Variants in ADGRL4 observed in about 807,000 individuals in gnomAD.
ADGRL4 encodes adhesion G protein-coupled receptor L4, also known as EGF, latrophilin and seven transmembrane domain containing 1.
Under a neutral mutation model 74.8 loss-of-function variants are expected in ADGRL4, and 90 were observed. The ratio of observed to expected loss-of-function variants is 1.20; its 90% CI spans 1.02 to 1.43. The LOEUF is 1.43. ADGRL4 is among the 40% of genes most tolerant of loss of function. ADGRL4 has a pLI of 0.00. For missense variants in ADGRL4, 881 were observed against 814.3 expected, an observed-to-expected ratio of 1.08 and a Z score of -1.00; for synonymous variants, 311 against 279.2, an observed-to-expected ratio of 1.11 and a Z score of -1.14.
chr1:78,952,952 G>A (rs1227381121), intron 2 of ADGRL4, among the ~76,000 whole-genome samples: 1 of 152,034 alleles, frequency 6.6e-6, no homozygotes, highest in Non-Finnish European at 1.5e-5. Flanking sequence ...CTCTGTTTCT[G>A]TTTACACTTA....
chr1:78,999,552 G>A (rs553661015), intron 2 of ADGRL4, among the ~76,000 whole-genome samples: 1 of 152,062 alleles, frequency 6.6e-6, no homozygotes, highest in Non-Finnish European at 1.5e-5. Context: ...TAGCTTGGGC[G>A]ACAGAGCGAG....
rs148961711 is a variant in ADGRL4, at chr1:79,003,088, C to T, written c.172+1982G>A. On this transcript the variant is annotated intron_variant, in intron 2 of 14. Coordinates refer to ENST00000370742, the MANE Select transcript of ADGRL4 (RefSeq NM_022159.4). Reference sequence around the variant, plus strand: ...CATCCTCTGTAGCTAATCTCCTGTCCAGTCATTTCATCTTGACATAATACC... The same window carrying T: ...CATCCTCTGTAGCTAATCTCCTGTCTAGTCATTTCATCTTGACATAATACC... 1.6e-3 allele frequency among the ~76,000 whole-genome samples: 250 copies of T among 152,100 alleles called. 1 individual carries two copies. Among genetic ancestry groups the T allele is most frequent in the African/African-American group, 5.8e-3 (241 of 41,540 alleles).
At chr1:78,929,370 C>T (rs1023456299) in intron 7 of ADGRL4, among the ~76,000 whole-genome samples, 4 of 151,078 alleles carry the variant, frequency 2.6e-5, no homozygotes, top group Non-Finnish European at 4.4e-5. Flanking sequence ...GAATAATTAG[C>T]CCAGCATGGT....
chr1:78,998,991 C>G (rs1230915912), intron 2 of ADGRL4, among the ~76,000 whole-genome samples: 2 of 151,988 alleles, frequency 1.3e-5, no homozygotes, highest in Non-Finnish European at 2.9e-5. Context: ...AAATCAACAT[C>G]AATATATAAT....
chr1:78,896,182 A>C (rs1648394568), intron 12 of ADGRL4, among the ~76,000 whole-genome samples: 1 of 152,094 alleles, frequency 6.6e-6, no homozygotes, highest in South Asian at 2.1e-4. Flanking sequence ...TCACTTTCTT[A>C]GCTCCTCAAG....
chr1:79,005,105 A>G lies in ADGRL4; in HGVS notation c.137T>C (p.Met46Thr). Residue 46 changes from methionine (M) to threonine (T), a missense_variant, in exon 2 of 15, where the codon ATG becomes ACG. Transcript: ENST00000370742. ...RNGIEACYCNMGFSGNGVTIC... is the reference protein window; with the variant it reads ...RNGIEACYCNTGFSGNGVTIC... ...TGTGACACCATTTCCTGAAAATCCC[A>G]TGTTGCAATAGCAGGCTTCAATTCC... 6.2e-7 allele frequency: 1 copy of G among 1,612,528 alleles called. No individual in the cohort carries two copies. The highest frequency in any genetic ancestry group is 1.1e-5 in the South Asian group (1 of 90,500).
At chr1:78,944,516 T>A (rs1037574891) in intron 3 of ADGRL4, among the ~76,000 whole-genome samples, 2 of 152,216 alleles carry the variant, frequency 1.3e-5, no homozygotes, top group Admixed American at 1.3e-4. Flanking sequence ...ATAAAACTTT[T>A]TTCTAGAAAC....
intron 2 of ADGRL4, among the ~76,000 whole-genome samples, chr1:78,965,175 A>T (rs1390947734): frequency 2.0e-5 from 3 of 152,156 alleles, no homozygotes; most frequent in Admixed American, 2.0e-4. Flanking sequence ...GGAGTTTTTT[A>T]AAATTTACAA....
At chr1:78,978,948 G>A (rs1483115451) in intron 2 of ADGRL4, among the ~76,000 whole-genome samples, 1 of 151,722 alleles carries the variant, frequency 6.6e-6, no homozygotes, top group Non-Finnish European at 1.5e-5. Context: ...TTTTTGGACT[G>A]TGAATATTTA....
intron 7 of ADGRL4, among the ~76,000 whole-genome samples, chr1:78,928,287 G>T (rs1649160180): frequency 6.6e-6 from 1 of 151,448 alleles, no homozygotes; most frequent in African/African-American, 2.5e-5. Context: ...AATCCTCCAA[G>T]ATATCTTCTC....
chr1:78,930,109 T>C (rs1649206630), intron 7 of ADGRL4, among the ~76,000 whole-genome samples: 2 of 151,460 alleles, frequency 1.3e-5, no homozygotes, highest in African/African-American at 4.9e-5. Context: ...GAATAGAGGA[T>C]ACGAAAACAC....
At chr1:78,923,836 C>A (rs1327352058) in intron 8 of ADGRL4, among the ~76,000 whole-genome samples, 2 of 151,710 alleles carry the variant, frequency 1.3e-5, no homozygotes, top group South Asian at 2.1e-4. Context: ...ATATTAGAAG[C>A]TCTGCTGGGA....
intron 12 of ADGRL4, among the ~76,000 whole-genome samples, chr1:78,907,221 T>C (rs1364766369): frequency 6.6e-6 from 1 of 152,034 alleles, no homozygotes; most frequent in Non-Finnish European, 1.5e-5. Flanking sequence ...AAAAAGTAAA[T>C]AAAGTAAAAG....
intron 2 of ADGRL4, among the ~76,000 whole-genome samples, chr1:78,966,869 C>A (rs1332169605): frequency 7.3e-6 from 1 of 136,968 alleles, no homozygotes; most frequent in East Asian, 2.1e-4. Flanking sequence ...CTTTTTCTTT[C>A]TTTTTTTTTT....
At chr1:78,946,821 T>C (rs533240805) in intron 2 of ADGRL4, among the ~76,000 whole-genome samples, 1 of 152,278 alleles carries the variant, frequency 6.6e-6, no homozygotes, top group East Asian at 1.9e-4. Flanking sequence ...AAATTACAAA[T>C]TGACATGTTG....
At chr1:78,969,286 CGTT>C (rs753588471) in intron 2 of ADGRL4, among the ~76,000 whole-genome samples, 23 of 152,110 alleles carry the variant, frequency 1.5e-4, no homozygotes, top group Non-Finnish European at 2.6e-4. Context: ...TGTAGAAACT[CGTT>C]GTTTTATCAA....
rs185392778 is a variant in ADGRL4, at chr1:78,946,411, C to T, written c.188G>A (p.Gly63Glu). 5,156 of 1,609,346 alleles carry T rather than the reference C, an allele frequency of 3.2e-3. 15 individuals are homozygous for T. Among genetic ancestry groups the T allele is most frequent in the Middle Eastern group, 6.3e-3 (38 of 6,036 alleles). ...TTCGCCACAGGACTGAGTTAAATTT[C>T]CACATTCATTATCATCTGTTGGCAT... ...VTICEDDNEC[G>E]NLTQSCGENA... is the part of the protein sequence containing the mutation. The change falls in exon 3 of 15, where the codon GGA (glycine) becomes GAA (glutamate). Residue 63 changes from glycine to glutamate, a missense_variant. By Grantham distance (98) the Gly-to-Glu change is moderately conservative. Coordinates refer to ENST00000370742, the MANE Select transcript of ADGRL4 (RefSeq NM_022159.4).
chr1:78,907,545 A>G (rs998103308), intron 12 of ADGRL4, among the ~76,000 whole-genome samples: 1 of 152,096 alleles, frequency 6.6e-6, no homozygotes, highest in Non-Finnish European at 1.5e-5. Flanking sequence ...TTGTAGAATG[A>G]TAAAAGTTTT....
chr1:78,922,301 G>C (rs1359959423), intron 8 of ADGRL4, among the ~76,000 whole-genome samples: 3 of 151,974 alleles, frequency 2.0e-5, no homozygotes, highest in Non-Finnish European at 4.4e-5. Context: ...TGACGTGAAG[G>C]GGGGTGTCCA....
Sources: gnomAD v4.1 joint callset for allele counts (sites outside exome capture counted in the v4.1 genomes callset) on GRCh38, gnomAD v4.1.1 for gene constraint, MANE v1.5 for transcripts, NCBI Gene and HGNC (gene_info 2026-07-23, HGNC 2026-07-21) for gene names.